RABL3: variants seen among roughly 807,000 people sequenced by gnomAD.
The protein encoded by RABL3 is RAB, member of RAS oncogene family like 3.
In RABL3, 31 loss-of-function variants were observed where a neutral mutation model predicts 31.8. That is an observed-to-expected ratio of 0.97 (90% CI 0.73 to 1.31). The LOEUF (loss-of-function observed/expected upper bound fraction) is 1.31. RABL3 is among the 40% of genes most tolerant of loss of function. The probability of loss-of-function intolerance (pLI) is 0.00; values close to 1 mark genes in which losing one functional copy is unlikely to be tolerated. For synonymous variants in RABL3, 97 were observed against 99.9 expected, an observed-to-expected ratio of 0.97 and a Z score of 0.18; for missense variants, 263 against 279.6, an observed-to-expected ratio of 0.94 and a Z score of 0.42.
chr3:120,720,815 A>G (rs988170470), intron 2 of RABL3, among the ~76,000 whole-genome samples: 1 of 152,210 alleles, frequency 6.6e-6, no homozygotes, highest in African/African-American at 2.4e-5. Context: ...CCAACATTCA[A>G]ATTCAGGAAA....
At chr3:120,721,210 G>A (rs185349961) in intron 2 of RABL3, among the ~76,000 whole-genome samples, 6 of 152,260 alleles carry the variant, frequency 3.9e-5, no homozygotes, top group Middle Eastern at 3.4e-3. Flanking sequence ...AGGAACAACC[G>A]GTACCAGCCA....
chr3:120,701,811 T>A (rs948148038), intron 4 of RABL3, among the ~76,000 whole-genome samples: 1 of 152,204 alleles, frequency 6.6e-6, no homozygotes, highest in Non-Finnish European at 1.5e-5. Flanking sequence ...AAAATGGGGT[T>A]CTGTTCTAGG....
intron 4 of RABL3, among the ~76,000 whole-genome samples, chr3:120,700,258 G>A (rs754288161): frequency 1.3e-5 from 2 of 152,008 alleles, no homozygotes; most frequent in Non-Finnish European, 2.9e-5. Flanking sequence ...CATATTATAT[G>A]CATAATACTG....
At position 120,703,688 on chromosome 3, in the gene RABL3, G is replaced by A. The variant is rs574475700; in HGVS notation, c.383+2312C>T. On this transcript the variant is annotated intron_variant, in intron 4 of 7. Coordinates refer to ENST00000273375, the MANE Select transcript of RABL3 (RefSeq NM_173825.5). ...CTCTACAAGTCTGACAAGAAAAAGA[G>A]AAGACATAAAATACCAAAATCAGAA... Among the ~76,000 whole-genome samples the A allele has an allele frequency of 2.6e-4, 39 of 152,022 alleles. 1 individual carries two copies. The South Asian group carries it at 7.7e-3, about 30-fold the overall frequency.
intron 1 of RABL3, among the ~76,000 whole-genome samples, chr3:120,735,523 G>GT (rs1265261718): frequency 1.3e-5 from 2 of 152,042 alleles, no homozygotes; most frequent in East Asian, 1.9e-4. Flanking sequence ...TTTTTGAAGG[G>GT]TTTTTTGTGT....
chr3:120,707,898 G>A (rs1238216983), intron 3 of RABL3, among the ~76,000 whole-genome samples: 1 of 152,066 alleles, frequency 6.6e-6, no homozygotes, highest in Non-Finnish European at 1.5e-5. Context: ...GAATCAAGGT[G>A]GGGCTGAGAT....
intron 2 of RABL3, chr3:120,722,226 T>C (rs532493233): frequency 6.6e-6 from 1 of 152,284 alleles, no homozygotes; most frequent in East Asian, 1.9e-4. Flanking sequence ...AAAGTTCTAA[T>C]AATTGAACAA....
At chr3:120,740,184 G>A (rs972411327) in intron 1 of RABL3, among the ~76,000 whole-genome samples, 1 of 152,196 alleles carries the variant, frequency 6.6e-6, no homozygotes, top group Non-Finnish European at 1.5e-5. Context: ...GTATGGTAGT[G>A]AGACTTTCAG....
chr3:120,734,818 T>C (rs1443425713), intron 1 of RABL3, among the ~76,000 whole-genome samples: 1 of 152,240 alleles, frequency 6.6e-6, no homozygotes, highest in Non-Finnish European at 1.5e-5. Context: ...GTTTTTGTCT[T>C]TGGTTCTGTT....
intron 4 of RABL3, among the ~76,000 whole-genome samples, chr3:120,699,843 A>G (rs900565337): frequency 6.6e-6 from 1 of 152,194 alleles, no homozygotes; most frequent in African/African-American, 2.4e-5. Context: ...AAGACCTTTG[A>G]TTATTCATAT....
chr3:120,734,007 T>C (rs141421907), intron 1 of RABL3, among the ~76,000 whole-genome samples: 1,671 of 152,348 alleles, frequency 0.011, 27 homozygotes, highest in African/African-American at 0.039. Context: ...TTTGTTCTTT[T>C]AGCTTAGGAT....
intron 2 of RABL3, among the ~76,000 whole-genome samples, chr3:120,723,336 C>T (rs1708772544): frequency 6.6e-6 from 1 of 152,148 alleles, no homozygotes; most frequent in African/African-American, 2.4e-5. Flanking sequence ...AGTCCAGGAC[C>T]AGATGGATTC....
At chr3:120,695,602 C>T (rs944090129) in intron 5 of RABL3, among the ~76,000 whole-genome samples, 1 of 152,062 alleles carries the variant, frequency 6.6e-6, no homozygotes, top group Non-Finnish European at 1.5e-5. Context: ...CAAGCACTTA[C>T]CACAATAAAG....
At chr3:120,727,619 A>G (rs1218413148) in intron 2 of RABL3, among the ~76,000 whole-genome samples, 1 of 152,178 alleles carries the variant, frequency 6.6e-6, no homozygotes, top group Non-Finnish European at 1.5e-5. Flanking sequence ...TAAGCCTGAT[A>G]GAAAACCCAC....
At chr3:120,706,571 A>G (rs781251922) in intron 3 of RABL3, among the ~76,000 whole-genome samples, 1 of 121,700 alleles carries the variant, frequency 8.2e-6, no homozygotes, top group African/African-American at 2.6e-5. Context: ...ACTAAAAGTA[A>G]TATTAGGTAA....
intron 1 of RABL3, among the ~76,000 whole-genome samples, chr3:120,736,220 G>A (rs150138919): frequency 4.6e-5 from 7 of 152,168 alleles, no homozygotes; most frequent in African/African-American, 1.7e-4. Flanking sequence ...TTATGAATCT[G>A]GGTGCTCCTG....
chr3:120,728,290 A>G (rs1334040503), intron 2 of RABL3, among the ~76,000 whole-genome samples: 1 of 152,178 alleles, frequency 6.6e-6, no homozygotes, highest in Admixed American at 6.5e-5. Context: ...AAACCTGTAG[A>G]CTCAATAAAG....
chr3:120,714,987 T>C (rs1023749473), intron 2 of RABL3, among the ~76,000 whole-genome samples: 1 of 152,216 alleles, frequency 6.6e-6, no homozygotes, highest in Non-Finnish European at 1.5e-5. Flanking sequence ...AGCTTCAGCA[T>C]TTCATTTCCA....
chr3:120,685,767 G>A lies in RABL3; in HGVS notation c.*4056C>T, dbSNP rs1708301022. On this transcript the variant is annotated 3_prime_UTR_variant, in exon 8 of 8. Transcript: ENST00000273375. ...ATCTATATTCCCTACTTTTTGATGA[G>A]TTTATTTGTCTTTCTTAAAGGCTAG... 6.6e-6 allele frequency among the ~76,000 whole-genome samples: 1 copy of A among 152,126 alleles called. No individual in the cohort carries two copies. The highest frequency in any genetic ancestry group is 1.5e-5 in the Non-Finnish European group (1 of 68,010).
Sources: gnomAD v4.1 joint callset for allele counts (sites outside exome capture counted in the v4.1 genomes callset) on GRCh38, gnomAD v4.1.1 for gene constraint, MANE v1.5 for transcripts, NCBI Gene and HGNC (gene_info 2026-07-23, HGNC 2026-07-21) for gene names.